TLL1: variants seen among roughly 807,000 people sequenced by gnomAD.
The protein encoded by TLL1 is tolloid like 1.
TLL1 carries 49 observed loss-of-function variants against 128.2 expected under a neutral mutation model. That is an observed-to-expected ratio of 0.38 (90% CI 0.30 to 0.48). The LOEUF is 0.48. Among genes scored for constraint, TLL1 ranks in the 20% least tolerant of loss-of-function variants. The probability of loss-of-function intolerance (pLI) is 0.96; values close to 1 mark genes in which losing one functional copy is unlikely to be tolerated. For missense variants in TLL1, 1,123 were observed against 1,242.0 expected (o/e 0.90, Z 1.44); for synonymous variants, 454 against 418.8 (o/e 1.08, Z -1.03).
Position 165,987,218 on chromosome 4 carries a change from G to A in TLL1, c.170-2163G>A, listed in dbSNP as rs144097349. On this transcript the variant is annotated intron_variant, in intron 1 of 20. Transcript: ENST00000061240. Reference sequence around the variant, plus strand: ...GAGTCCCTGCCAGTGGATGATCAGAGCTATTTGCATTGTAAATGCACCTGA... The same window carrying A: ...GAGTCCCTGCCAGTGGATGATCAGAACTATTTGCATTGTAAATGCACCTGA... Among the ~76,000 whole-genome samples the A allele has an allele frequency of 1.8e-3, 270 of 152,194 alleles. 1 individual carries two copies. The highest frequency in any genetic ancestry group is 6.1e-3 in the African/African-American group (254 of 41,544).
rs185308094 is a variant in TLL1, at chr4:166,086,697, A to G, written c.2443-4431A>G. The stretch of plus-strand genomic sequence containing the variant: ...GTAACTTTCGGAACATTCTGTTGGT[A>G]AAGCAAATCGCTAAGTCTGGCCAGG... On this transcript the variant is annotated intron_variant, in intron 18 of 20. Transcript: ENST00000061240. Among the ~76,000 whole-genome samples the G allele has an allele frequency of 1.3e-4, 20 of 152,254 alleles. No individual in the cohort carries two copies. In the East Asian group the frequency reaches 3.9e-3, roughly 29 times the overall value.
intron 16 of TLL1, among the ~76,000 whole-genome samples, chr4:166,066,814 C>A (rs1740595275): frequency 6.6e-6 from 1 of 151,628 alleles, no homozygotes; most frequent in Non-Finnish European, 1.5e-5. Context: ...CTTCTTTTTT[C>A]CCAGGTTAAA....
chr4:165,900,789 C>A (rs1173657887), intron 1 of TLL1, among the ~76,000 whole-genome samples: 1 of 152,172 alleles, frequency 6.6e-6, no homozygotes, highest in East Asian at 1.9e-4. Flanking sequence ...GCCTGTCTTG[C>A]CAGGTTGGGG....
intron 1 of TLL1, among the ~76,000 whole-genome samples, chr4:165,886,549 A>G (rs1398203222): frequency 6.6e-6 from 1 of 152,174 alleles, no homozygotes; most frequent in Non-Finnish European, 1.5e-5. Flanking sequence ...CTCCCTTGGT[A>G]TTCATGGGGG....
At chr4:165,984,737 A>G (rs1375695970) in intron 1 of TLL1, among the ~76,000 whole-genome samples, 4 of 152,000 alleles carry the variant, frequency 2.6e-5, no homozygotes, top group Non-Finnish European at 5.9e-5. Flanking sequence ...TCCTGGGCAT[A>G]TAAGTGTGGT....
chr4:166,068,696 A>G (rs1041377128), intron 16 of TLL1, among the ~76,000 whole-genome samples: 1 of 151,884 alleles, frequency 6.6e-6, no homozygotes, highest in Non-Finnish European at 1.5e-5. Flanking sequence ...CTCAAAATCC[A>G]GAAGAAGAAT....
At position 165,875,800 on chromosome 4, in the gene TLL1, A is replaced by G. The variant is rs141466031; in HGVS notation, c.169+1727A>G. On this transcript the variant is annotated intron_variant, in intron 1 of 20. Coordinates refer to ENST00000061240, the MANE Select transcript of TLL1 (RefSeq NM_012464.5). ...TGTCTAGGAAAACATCTACTTTGAT[A>G]CCCTGTTCTGTGAAAGATTCAAGCA... Among the ~76,000 whole-genome samples the G allele has an allele frequency of 5.8e-3, 885 of 152,260 alleles. 19 individuals are homozygous for G. Among genetic ancestry groups the G allele is most frequent in the Admixed American group, 0.044 (671 of 15,298 alleles).
In TLL1 at chr4:165,995,116, T is replaced by C. The variant is rs370088439; in HGVS notation, c.570T>C (p.Cys190=). ...QAMRHWEKHT[C]VTFIERSDEE... The stretch of plus-strand genomic sequence containing the variant: ...TGAGGCACTGGGAAAAGCACACATG[T>C]GTGACTTTCATAGAAAGAAGTGATG... The change falls in exon 5 of 21, where the codon TGT becomes TGC. Residue 190 remains cysteine, a synonymous_variant. Transcript: ENST00000061240. 1.2e-5 allele frequency: 20 copies of C among 1,614,044 alleles called. 1 individual carries two copies. In the African/African-American group the frequency reaches 1.3e-4, roughly 11 times the overall value.
intron 1 of TLL1, among the ~76,000 whole-genome samples, chr4:165,929,260 G>C (rs1239557036): frequency 1.3e-5 from 2 of 152,182 alleles, no homozygotes; most frequent in Non-Finnish European, 2.9e-5. Flanking sequence ...TGTGTATTCT[G>C]AGGGAAACTC....
intron 12 of TLL1, among the ~76,000 whole-genome samples, chr4:166,051,166 T>A (rs1025668740): frequency 6.6e-6 from 1 of 152,176 alleles, no homozygotes; most frequent in African/African-American, 2.4e-5. Flanking sequence ...ATACAAGACA[T>A]TGAGTTCAGC....
intron 17 of TLL1, among the ~76,000 whole-genome samples, chr4:166,075,829 G>A (rs1740995950): frequency 6.6e-6 from 1 of 152,094 alleles, no homozygotes; most frequent in South Asian, 2.1e-4. Flanking sequence ...GTAAACATTG[G>A]AATAATAGAG....
intron 8 of TLL1, among the ~76,000 whole-genome samples, chr4:166,019,907 C>G (rs998969429): frequency 6.6e-6 from 1 of 152,064 alleles, no homozygotes; most frequent in African/African-American, 2.4e-5. Flanking sequence ...AGTTATTACA[C>G]AGTCAGTGCA....
intron 1 of TLL1, among the ~76,000 whole-genome samples, chr4:165,961,513 G>C (rs1015596789): frequency 6.6e-6 from 1 of 151,984 alleles, no homozygotes; most frequent in Non-Finnish European, 1.5e-5. Context: ...AATAGTTAAA[G>C]TAATCCTATC....
chr4:165,990,872 C>G (rs968531987), intron 2 of TLL1, among the ~76,000 whole-genome samples: 1 of 151,952 alleles, frequency 6.6e-6, no homozygotes, highest in Non-Finnish European at 1.5e-5. Context: ...TTTTCTAAAA[C>G]ATATATCAGT....
chr4:165,877,684 A>G (rs1220486767), intron 1 of TLL1, among the ~76,000 whole-genome samples: 40 of 152,274 alleles, frequency 2.6e-4, no homozygotes, highest in Middle Eastern at 6.8e-3. Flanking sequence ...ACTGCGTATT[A>G]ACACATACCC....
intron 1 of TLL1, among the ~76,000 whole-genome samples, chr4:165,988,780 C>G (rs1478872078): frequency 6.6e-6 from 1 of 151,900 alleles, no homozygotes; most frequent in Admixed American, 6.6e-5. Flanking sequence ...TAAATATTGA[C>G]TTAAGTATTA....
chr4:166,045,974 T>C (rs1320618009), intron 12 of TLL1, among the ~76,000 whole-genome samples: 2 of 152,236 alleles, frequency 1.3e-5, no homozygotes, highest in Non-Finnish European at 2.9e-5. Flanking sequence ...CACTTCCAAC[T>C]ACCAGAATTT....
intron 1 of TLL1, among the ~76,000 whole-genome samples, chr4:165,988,601 C>A (rs915432936): frequency 6.6e-6 from 1 of 151,946 alleles, no homozygotes; most frequent in Non-Finnish European, 1.5e-5. Flanking sequence ...CACCACTGCA[C>A]TCCAGCCTGG....
At chr4:166,087,036 A>G (rs1381866991) in intron 18 of TLL1, among the ~76,000 whole-genome samples, 1 of 152,180 alleles carries the variant, frequency 6.6e-6, no homozygotes, top group Non-Finnish European at 1.5e-5. Context: ...TGTAAGTACA[A>G]GTATCTGTTA....
Sources: allele counts gnomAD v4.1 joint callset (sites outside exome capture counted in the v4.1 genomes callset), GRCh38; gene constraint gnomAD v4.1.1; transcripts MANE v1.5; gene names NCBI Gene and HGNC (gene_info 2026-07-23, HGNC 2026-07-21).